Variants in ARSJ observed in about 807,000 individuals in gnomAD.
ARSJ encodes the protein arylsulfatase J.
In ARSJ, 26 loss-of-function variants were observed where a neutral mutation model predicts 35.9. The ratio of observed to expected loss-of-function variants is 0.72; its 90% CI spans 0.53 to 1.00. ARSJ has a LOEUF of 1.00. ARSJ is among the 50% of genes least tolerant of loss of function. The pLI, the probability that ARSJ is intolerant of heterozygous loss-of-function variation, is 0.00. For missense variants in ARSJ, 667 were observed against 723.6 expected (o/e 0.92, Z 0.90); for synonymous variants, 294 against 267.6 (o/e 1.10, Z -0.96).
At chr4:113,944,674 T>C (rs183587004) in intron 1 of ARSJ, among the ~76,000 whole-genome samples, 1 of 152,150 alleles carries the variant, frequency 6.6e-6, no homozygotes, top group East Asian at 1.9e-4. Context: ...GACTAGACTG[T>C]TTTACAGCTT....
At chr4:113,950,253 TC>T (rs1725772450) in intron 1 of ARSJ, among the ~76,000 whole-genome samples, 2 of 151,980 alleles carry the variant, frequency 1.3e-5, no homozygotes, top group Non-Finnish European at 2.9e-5. Flanking sequence ...CTGAAGGAAA[TC>T]CATCATAGAA....
chr4:113,929,963 GT>G (rs2149263584), intron 1 of ARSJ, among the ~76,000 whole-genome samples: 1 of 152,158 alleles, frequency 6.6e-6, no homozygotes, highest in African/African-American at 2.4e-5. Flanking sequence ...TCTCTAAACA[GT>G]TCATGTCAAG....
At chr4:113,932,634 G>A (rs1027668364) in intron 1 of ARSJ, among the ~76,000 whole-genome samples, 2 of 151,876 alleles carry the variant, frequency 1.3e-5, no homozygotes, top group East Asian at 1.9e-4. Flanking sequence ...AAATTAAGAA[G>A]AAACATTTAA....
At chr4:113,903,769 G>A (rs555634847) in intron 1 of ARSJ, 94 bp from the exon 2 acceptor site, 6 of 1,435,410 alleles carry the variant, frequency 4.2e-6, no homozygotes, top group African/African-American at 1.4e-5. Flanking sequence ...GTTTCTATGG[G>A]CATCATTGTT....
intron 1 of ARSJ, among the ~76,000 whole-genome samples, chr4:113,927,571 G>T (rs1724149814): frequency 1.3e-5 from 2 of 152,170 alleles, no homozygotes; most frequent in Non-Finnish European, 2.9e-5. Flanking sequence ...ATTGCTTCTG[G>T]GGTCCTTATG....
At chr4:113,955,783 G>A (rs1171970242) in intron 1 of ARSJ, among the ~76,000 whole-genome samples, 1 of 152,016 alleles carries the variant, frequency 6.6e-6, no homozygotes, top group Non-Finnish European at 1.5e-5. Context: ...CTATAATGAA[G>A]TTTTTTGATT....
chr4:113,904,668 T>A (rs1004560949), intron 1 of ARSJ, among the ~76,000 whole-genome samples: 2 of 152,066 alleles, frequency 1.3e-5, no homozygotes, highest in Admixed American at 6.5e-5. Context: ...TGTATTTTTT[T>A]AAATTAGAGA....
intron 1 of ARSJ, among the ~76,000 whole-genome samples, chr4:113,938,626 T>G (rs1024557968): frequency 1.3e-5 from 2 of 152,026 alleles, no homozygotes; most frequent in Non-Finnish European, 2.9e-5. Flanking sequence ...GAGAAAATTT[T>G]TGCAATCTGT....
intron 1 of ARSJ, chr4:113,971,072 C>T (rs563744416): frequency 6.6e-6 from 1 of 151,826 alleles, no homozygotes; most frequent in Admixed American, 6.6e-5. Flanking sequence ...GAAAAAAATG[C>T]CTCAATGAGG....
Position 113,979,140 on chromosome 4 carries a change from A to C in ARSJ, c.-306T>G. The C allele has an allele frequency of 2.5e-5, 6 of 240,536 alleles. No homozygotes were observed. Among genetic ancestry groups the C allele is most frequent in the Non-Finnish European group, 4.0e-5 (5 of 123,874 alleles). 14.9% of individuals were successfully genotyped at this position (240,536 alleles called of 1,614,324 possible). A position where few individuals can be genotyped will look rare whatever the true frequency, so the allele number is the denominator to read the frequency against. On this transcript the variant is annotated 5_prime_UTR_variant, in exon 1 of 2. Coordinates refer to ENST00000315366, the MANE Select transcript of ARSJ (RefSeq NM_024590.4). ...GAAAAAAGTTAATATCTCCACCCAAAAGTTCTCTGGAGAAAAAAACCAAGC... is the reference window on the plus strand; with the variant it reads ...GAAAAAAGTTAATATCTCCACCCAACAGTTCTCTGGAGAAAAAAACCAAGC...
At chr4:113,969,914 A>G (rs1727136807) in intron 1 of ARSJ, among the ~76,000 whole-genome samples, 1 of 152,234 alleles carries the variant, frequency 6.6e-6, no homozygotes, top group African/African-American at 2.4e-5. Flanking sequence ...TTAGGGGACC[A>G]GCAAGGGAAG....
chr4:113,977,133 G>A (rs1023743149), intron 1 of ARSJ, among the ~76,000 whole-genome samples: 7 of 152,178 alleles, frequency 4.6e-5, no homozygotes, highest in Non-Finnish European at 1.0e-4. Flanking sequence ...TTTGGAATCA[G>A]ACATGAAGAA....
intron 1 of ARSJ, among the ~76,000 whole-genome samples, chr4:113,951,155 A>G (rs1270637024): frequency 1.3e-5 from 2 of 152,136 alleles, no homozygotes; most frequent in East Asian, 3.9e-4. Flanking sequence ...CAATATGGGG[A>G]AGTTCAATAT....
chr4:113,941,766 TA>T (rs1183978638), intron 1 of ARSJ, among the ~76,000 whole-genome samples: 1 of 152,040 alleles, frequency 6.6e-6, no homozygotes, highest in African/African-American at 2.4e-5. Flanking sequence ...GGCAAAATGT[TA>T]AATTAATATT....
At chr4:113,962,899 A>C (rs73845723) in intron 1 of ARSJ, among the ~76,000 whole-genome samples, 16,380 of 151,718 alleles carry the variant, frequency 0.11, 1,120 homozygotes, top group East Asian at 0.25. Context: ...TTTCCTCTTA[A>C]TCTCTCCTGG....
Position 113,903,528 on chromosome 4 carries a change from G to A in ARSJ, c.546C>T (p.Tyr182=), listed in dbSNP as rs1453327249. ...HMVGKWHLGF[Y]RKECMPTRRG... ...TTCTGGTGGGCATGCATTCTTTTCT[G>A]TAAAAACCCAAGTGCCATTTTCCGA... The change falls in exon 2 of 2, where the codon TAC becomes TAT. Residue 182 remains tyrosine, a synonymous_variant. Coordinates refer to ENST00000315366, the MANE Select transcript of ARSJ (RefSeq NM_024590.4). The A allele has an allele frequency of 6.2e-7, 1 of 1,614,026 alleles. No individual in the cohort carries two copies. The highest frequency in any genetic ancestry group is 8.5e-7 in the Non-Finnish European group (1 of 1,180,028).
chr4:113,978,787 C>A lies in ARSJ; in HGVS notation c.48G>T (p.Gln16His). The A allele has an allele frequency of 2.5e-6, 4 of 1,613,894 alleles. No homozygotes were observed. Among genetic ancestry groups the A allele is most frequent in the Non-Finnish European group, 3.4e-6 (4 of 1,179,858 alleles). ...CAGHPPPPSP[Q>H]ACVCPGKMLA... Reference sequence around the variant, plus strand: ...GCATCTTTCCAGGACAGACACAGGCCTGTGGAGAAGGCGGAGGCGGATGCC... The same window carrying A: ...GCATCTTTCCAGGACAGACACAGGCATGTGGAGAAGGCGGAGGCGGATGCC... The change falls in exon 1 of 2, where the codon CAG becomes CAT. Residue 16 changes from glutamine (Q) to histidine (H), a missense_variant. By Grantham distance (24) the Gln-to-His change is conservative. Transcript: ENST00000315366.
At position 113,954,880 on chromosome 4, in the gene ARSJ, C is replaced by G. The variant is rs77245549; in HGVS notation, c.398+23557G>C. ...TTTTCTAATACAGTCATATCTTTCC[C>G]TTTGCTGTTTTCTTTGCACTTATCT... On this transcript the variant is annotated intron_variant, in intron 1 of 1. Transcript: ENST00000315366. Among the ~76,000 whole-genome samples, 1,127 of 152,094 alleles carry G rather than the reference C, an allele frequency of 7.4e-3. 6 individuals carry two copies. Among genetic ancestry groups the G allele is most frequent in the Non-Finnish European group, 0.012 (790 of 67,948 alleles).
chr4:113,910,853 G>C (rs1314300389), intron 1 of ARSJ, among the ~76,000 whole-genome samples: 1 of 152,128 alleles, frequency 6.6e-6, no homozygotes, highest in Non-Finnish European at 1.5e-5. Flanking sequence ...AAACAGACAA[G>C]CCATTAGAGG....
Sources: allele counts gnomAD v4.1 joint callset (sites outside exome capture counted in the v4.1 genomes callset), GRCh38; gene constraint gnomAD v4.1.1; transcripts MANE v1.5; gene names NCBI Gene and HGNC (gene_info 2026-07-23, HGNC 2026-07-21).